EMC3: variants seen among roughly 807,000 people sequenced by gnomAD.
EMC3 encodes 30 kDa protein.
Under a neutral mutation model 36.6 loss-of-function variants are expected in EMC3, and 13 were observed. The observed-to-expected ratio is 0.35, with a 90% CI of 0.23 to 0.56. EMC3 has a LOEUF of 0.56. Among genes scored for constraint, EMC3 ranks in the 20% least tolerant of loss-of-function variants. The pLI, the probability that EMC3 is intolerant of heterozygous loss-of-function variation, is 0.84. For missense variants in EMC3, 220 were observed against 324.5 expected (o/e 0.68, Z 2.47); for synonymous variants, 120 against 111.9 (o/e 1.07, Z -0.46).
At chr3:10,010,158 C>T (rs1316563640) in intron 1 of EMC3, 16 of 152,726 alleles carry the variant, frequency 1.0e-4, no homozygotes, top group Middle Eastern at 3.1e-3. Context: ...TTCGGCCGGG[C>T]GCGGTGGCTC....
rs144491921 is a variant in EMC3, at chr3:9,985,266, C to T, written c.155+1241G>A. Among the ~76,000 whole-genome samples, 261 of 152,230 alleles carry T rather than the reference C, an allele frequency of 1.7e-3. 1 individual carries two copies. The highest frequency in any genetic ancestry group is 3.1e-3 in the Non-Finnish European group (208 of 68,000). The stretch of plus-strand genomic sequence containing the variant: ...TAACTTAAGTACAGTAGAAACAAAA[C>T]AACATTATTAAATTTTAACTAGACA... On this transcript the variant is annotated intron_variant, in intron 1 of 7. Coordinates refer to ENST00000245046, the MANE Select transcript of EMC3 (RefSeq NM_001394674.1).
chr3:9,975,649 A>G (rs1261734153), intron 3 of EMC3, among the ~76,000 whole-genome samples: 2 of 152,192 alleles, frequency 1.3e-5, no homozygotes, highest in Admixed American at 6.5e-5. Context: ...CGTCTCTATT[A>G]AAAATACAAA....
At chr3:9,971,710 GC>G (rs2085787075) in intron 5 of EMC3, among the ~76,000 whole-genome samples, 1 of 152,198 alleles carries the variant, frequency 6.6e-6, no homozygotes, top group Admixed American at 6.5e-5. Context: ...ATAGACTCAT[GC>G]TACTCATATA....
At chr3:9,999,277 C>G (rs1464897525) in intron 1 of EMC3, among the ~76,000 whole-genome samples, 1 of 148,742 alleles carries the variant, frequency 6.7e-6, no homozygotes, top group East Asian at 2.0e-4. Flanking sequence ...GAGTCTAGCT[C>G]TGTCACCAGG....
intron 5 of EMC3, among the ~76,000 whole-genome samples, chr3:9,973,195 T>C (rs1300437943): frequency 6.7e-6 from 1 of 149,756 alleles, no homozygotes; most frequent in East Asian, 2.0e-4. Context: ...GTTTTTTGTT[T>C]GTTTGTTTGT....
chr3:9,981,750 T>C, intron 1 of EMC3: 1 of 445,122 alleles, frequency 2.2e-6, no homozygotes, highest in South Asian at 1.6e-5. Context: ...GATATTTTCT[T>C]GGAATAAAAC....
chr3:9,996,033 G>GGGTC (rs2086120072), intron 1 of EMC3, among the ~76,000 whole-genome samples: 1 of 152,194 alleles, frequency 6.6e-6, no homozygotes, highest in Non-Finnish European at 1.5e-5. Context: ...GGGTAGAGAT[G>GGGTC]GGTCTGTGGT....
At chr3:10,000,808 G>A in intron 1 of EMC3, 2 of 494,010 alleles carry the variant, frequency 4.0e-6, no homozygotes, top group Non-Finnish European at 8.1e-6. Context: ...GTCTGTGTAA[G>A]AGAATCCAAC....
At chr3:10,008,457 C>T (rs1262144009) in intron 1 of EMC3, 1 of 1,367,596 alleles carries the variant, frequency 7.3e-7, no homozygotes, top group East Asian at 4.5e-5. Context: ...CCTTTGCTGC[C>T]AGCAGCCTCC....
At chr3:9,975,647 T>C (rs1052301489) in intron 3 of EMC3, among the ~76,000 whole-genome samples, 13 of 151,918 alleles carry the variant, frequency 8.6e-5, no homozygotes, top group South Asian at 8.3e-4. Context: ...CCCGTCTCTA[T>C]TAAAAATACA....
chr3:9,963,867 A>C lies in EMC3; in HGVS notation c.*202T>G, dbSNP rs192078705. 3.8e-5 allele frequency: 27 copies of C among 710,868 alleles called. No homozygotes were observed. In the African/African-American group the frequency reaches 3.9e-4, roughly 10 times the overall value. The allele number at this position is 710,868 out of a possible 1,614,324, so 44.0% of individuals were successfully genotyped here. A position where few individuals can be genotyped will look rare whatever the true frequency, so the allele number is the denominator to read the frequency against. ...CAGAAGGAACATTTACAACATTTTAAAAATAACAAGTTGCCCAGCATACTC... is the reference window on the plus strand; with the variant it reads ...CAGAAGGAACATTTACAACATTTTACAAATAACAAGTTGCCCAGCATACTC... On this transcript the variant is annotated 3_prime_UTR_variant, in exon 8 of 8. Transcript: ENST00000245046.
chr3:9,979,990 T>C (rs983275488), intron 1 of EMC3, among the ~76,000 whole-genome samples: 30 of 151,122 alleles, frequency 2.0e-4, no homozygotes, highest in African/African-American at 6.8e-4. Context: ...AGCCAGACTA[T>C]ACAAAATCAT....
At chr3:9,980,819 T>G (rs748426218) in intron 1 of EMC3, among the ~76,000 whole-genome samples, 1 of 152,106 alleles carries the variant, frequency 6.6e-6, no homozygotes, top group African/African-American at 2.4e-5. Flanking sequence ...ACAGAAACTC[T>G]GAGAGCAGGG....
upstream of EMC3, chr3:9,986,936 C>A: frequency 8.2e-7 from 1 of 1,226,366 alleles, no homozygotes; most frequent in African/African-American, 1.5e-5. Context: ...CGGCGGTGGC[C>A]CAGGCTCGGT....
At chr3:9,969,480 T>G (rs1384814179) in intron 7 of EMC3, 14 of 1,404,096 alleles carry the variant, frequency 1.0e-5, no homozygotes, top group Non-Finnish European at 9.3e-7. Flanking sequence ...ACAGCATCAT[T>G]GATAGTGTGG....
intron 1 of EMC3, among the ~76,000 whole-genome samples, chr3:9,995,278 G>T (rs6782655): frequency 7.2e-6 from 1 of 138,878 alleles, no homozygotes; most frequent in South Asian, 2.4e-4. Context: ...TCCTTGAGTG[G>T]CATCTTTTTG....
chr3:9,987,749 G>C (rs981862876), upstream of EMC3: 2 of 450,682 alleles, frequency 4.4e-6, no homozygotes, highest in Non-Finnish European at 8.2e-6. Flanking sequence ...CTACGACATT[G>C]CATTTAGCTA....
chr3:9,975,260 A>C (rs1263677122), intron 3 of EMC3, among the ~76,000 whole-genome samples: 4 of 152,208 alleles, frequency 2.6e-5, no homozygotes, highest in African/African-American at 9.6e-5. Flanking sequence ...TTTGCCAATA[A>C]ACGATAAATG....
At chr3:9,968,639 A>C (rs1221073182) in intron 7 of EMC3, 1 of 151,672 alleles carries the variant, frequency 6.6e-6, no homozygotes, top group Non-Finnish European at 1.5e-5. Flanking sequence ...TATCAGGCTG[A>C]GAAATTTCTC....
Sources: gnomAD v4.1 joint callset for allele counts (sites outside exome capture counted in the v4.1 genomes callset) on GRCh38, gnomAD v4.1.1 for gene constraint, MANE v1.5 for transcripts, NCBI Gene and HGNC (gene_info 2026-07-23, HGNC 2026-07-21) for gene names.